C6orf58: variants seen among roughly 807,000 people sequenced by gnomAD.
The protein encoded by C6orf58 is chromosome 6 open reading frame 58, also known as protein LEG1 homolog.
Under a neutral mutation model 37.0 loss-of-function variants are expected in C6orf58, and 30 were observed. That is an observed-to-expected ratio of 0.81 (90% CI 0.61 to 1.10). C6orf58 has a LOEUF of 1.10. Ranked by LOEUF, C6orf58 falls within the 50% of genes least tolerant of loss-of-function variation. The pLI, the probability that C6orf58 is intolerant of heterozygous loss-of-function variation, is 0.00. For missense variants in C6orf58, 368 were observed against 387.5 expected (o/e 0.95, Z 0.42); for synonymous variants, 143 against 134.1 (o/e 1.07, Z -0.46).
rs1250998920 is a variant in C6orf58, at chr6:127,590,338, A to G, written c.913+13A>G. 1.3e-6 allele frequency: 2 copies of G among 1,485,540 alleles called. No homozygotes were observed. Among genetic ancestry groups the G allele is most frequent in the Non-Finnish European group, 1.9e-6 (2 of 1,075,130 alleles). The allele number at this position is 1,485,540 out of a possible 1,614,324, so 92.0% of individuals were successfully genotyped here. On this transcript the variant is annotated intron_variant, in intron 5 of 5. Transcript: ENST00000329722. ...GATAAATCTATAGGTAAGAACCTTA[A>G]AAGGATACTTTTAAAAATCAGTATT...
chr6:127,588,936 G>A (rs1029616175), intron 4 of C6orf58, among the ~76,000 whole-genome samples: 1 of 152,058 alleles, frequency 6.6e-6, no homozygotes, highest in Non-Finnish European at 1.5e-5. Flanking sequence ...TTCTGTCATC[G>A]ACAATCCAAC....
intron 4 of C6orf58, among the ~76,000 whole-genome samples, chr6:127,584,162 C>T (rs910485689): frequency 1.3e-5 from 2 of 152,138 alleles, no homozygotes; most frequent in African/African-American, 2.4e-5. Flanking sequence ...TGCCTTCTCG[C>T]ATAGAAAAGC....
chr6:127,580,177 A>AT (rs1266273696), intron 2 of C6orf58, 88 bp from the exon 3 acceptor site: 7 of 1,028,026 alleles, frequency 6.8e-6, no homozygotes, highest in South Asian at 5.1e-5. Context: ...GGGTCTGTGA[A>AT]TTTTTTTATG....
At chr6:127,587,187 T>C (rs1049367733) in intron 4 of C6orf58, among the ~76,000 whole-genome samples, 1 of 152,176 alleles carries the variant, frequency 6.6e-6, no homozygotes, top group Non-Finnish European at 1.5e-5. Context: ...ATTTCTTGTG[T>C]CATTTTTATG....
chr6:127,578,914 G>A, intron 2 of C6orf58, 142 bp downstream of exon 2: 1 of 600,060 alleles, frequency 1.7e-6, no homozygotes, highest in Non-Finnish European at 2.9e-6. Context: ...GTACCTTATG[G>A]CCTTTAGGTC....
chr6:127,578,809 T>C (rs1056432050), intron 2 of C6orf58, 37 bp downstream of exon 2: 2 of 1,454,024 alleles, frequency 1.4e-6, no homozygotes, highest in Non-Finnish European at 9.6e-7. Flanking sequence ...ATATTAACCT[T>C]TCCTGAAAGA....
intron 4 of C6orf58, among the ~76,000 whole-genome samples, chr6:127,587,818 C>T (rs1775121791): frequency 6.6e-6 from 1 of 152,168 alleles, no homozygotes; most frequent in East Asian, 1.9e-4. Flanking sequence ...TAACGTACTG[C>T]TGGCATATGA....
At chr6:127,587,335 G>A (rs886779535) in intron 4 of C6orf58, among the ~76,000 whole-genome samples, 1 of 152,046 alleles carries the variant, frequency 6.6e-6, no homozygotes, top group East Asian at 1.9e-4. Context: ...TTGTGTTATG[G>A]ATAAATTTAT....
chr6:127,579,605 T>C lies in C6orf58; in HGVS notation c.389-660T>C, dbSNP rs188034562. On this transcript the variant is annotated intron_variant, in intron 2 of 5. Coordinates refer to ENST00000329722, the MANE Select transcript of C6orf58 (RefSeq NM_001010905.3). ...AATATTCTACATCACTGATTTCTAG[T>C]GGAAATCAGTATAAGCCTAATATCC... Among the ~76,000 whole-genome samples, 953 of 152,172 alleles carry C rather than the reference T, an allele frequency of 6.3e-3. 9 individuals carry two copies. The highest frequency in any genetic ancestry group is 0.022 in the African/African-American group (908 of 41,536).
At chr6:127,588,115 A>G (rs1351203383) in intron 4 of C6orf58, among the ~76,000 whole-genome samples, 1 of 152,220 alleles carries the variant, frequency 6.6e-6, no homozygotes, top group Non-Finnish European at 1.5e-5. Context: ...GATTGGCTCC[A>G]GCAGGGATGA....
chr6:127,585,148 A>G (rs933019449), intron 4 of C6orf58, among the ~76,000 whole-genome samples: 9 of 152,218 alleles, frequency 5.9e-5, no homozygotes, highest in African/African-American at 2.2e-4. Flanking sequence ...AAGAAGGTTT[A>G]ACATTACTTA....
At chr6:127,586,321 T>C (rs1375173750) in intron 4 of C6orf58, among the ~76,000 whole-genome samples, 1 of 152,142 alleles carries the variant, frequency 6.6e-6, no homozygotes, top group Admixed American at 6.6e-5. Context: ...ATGGAATTTA[T>C]GGGGCAAAAA....
intron 4 of C6orf58, among the ~76,000 whole-genome samples, chr6:127,589,191 A>G (rs1775135702): frequency 6.6e-6 from 1 of 152,204 alleles, no homozygotes; most frequent in African/African-American, 2.4e-5. Flanking sequence ...TGTGGATGAT[A>G]TAGTGTTATG....
chr6:127,590,220 A>C lies in C6orf58; in HGVS notation c.808A>C (p.Ile270Leu). Residue 270 changes from isoleucine (I) to leucine (L), a missense_variant, in exon 5 of 6, where the codon ATT becomes CTT. Transcript: ENST00000329722. Reference protein sequence around the residue: ...YKFQKGMPPRILLNTDVAPFI... With the variant: ...YKFQKGMPPRLLLNTDVAPFI... ...GTTCCAGAAGGGCATGCCACCACGA[A>C]TTCTTCTTAATACTGATGTAGCCCC... 6.2e-7 allele frequency: 1 copy of C among 1,613,822 alleles called. No homozygotes were observed. Among genetic ancestry groups the C allele is most frequent in the Non-Finnish European group, 8.5e-7 (1 of 1,179,810 alleles).
At chr6:127,586,632 T>C (rs1420031428) in intron 4 of C6orf58, among the ~76,000 whole-genome samples, 1 of 150,556 alleles carries the variant, frequency 6.6e-6, no homozygotes, top group Non-Finnish European at 1.5e-5. Flanking sequence ...GTCTCAACAC[T>C]ATGGTTCCAA....
chr6:127,591,411 T>G, intron 5 of C6orf58, 132 bp from the exon 6 acceptor site: 1 of 838,606 alleles, frequency 1.2e-6, no homozygotes, highest in Non-Finnish European at 1.7e-6. Context: ...CTTACTTTTC[T>G]TTGTATAATT....
intron 1 of C6orf58, among the ~76,000 whole-genome samples, chr6:127,578,347 G>A (rs1279086869): frequency 6.6e-6 from 1 of 151,994 alleles, no homozygotes; most frequent in Non-Finnish European, 1.5e-5. Flanking sequence ...TAGAGCAGGG[G>A]TTTGTTTTGA....
Position 127,580,467 on chromosome 6 carries a change from T to G in C6orf58, c.573+18T>G, listed in dbSNP as rs1006924352. ...TTTACCAGGTTCCTTCTTTATACTC[T>G]TACGAGATAGGAAGAGAGTTTATTT... On this transcript the variant is annotated intron_variant, in intron 3 of 5. Transcript: ENST00000329722. The G allele has an allele frequency of 5.1e-6, 8 of 1,579,870 alleles. No homozygotes were observed. Among genetic ancestry groups the G allele is most frequent in the Admixed American group, 1.7e-5 (1 of 58,522 alleles).
chr6:127,583,522 G>A (rs938151), intron 4 of C6orf58, among the ~76,000 whole-genome samples: 23 of 152,072 alleles, frequency 1.5e-4, no homozygotes, highest in Admixed American at 8.5e-4. Flanking sequence ...GAAAAAAAAC[G>A]TTCCTAGTAA....
Sources: allele counts gnomAD v4.1 joint callset (sites outside exome capture counted in the v4.1 genomes callset), GRCh38; gene constraint gnomAD v4.1.1; transcripts MANE v1.5; gene names NCBI Gene and HGNC (gene_info 2026-07-23, HGNC 2026-07-21).